LINGO1: variants seen among roughly 807,000 people sequenced by gnomAD.
The protein encoded by LINGO1 is leucine-rich repeat and immunoglobulin-like domain-containing nogo receptor-interacting protein 1.
LINGO1 carries 11 observed loss-of-function variants against 37.3 expected under a neutral mutation model. The ratio of observed to expected loss-of-function variants is 0.29; its 90% CI spans 0.19 to 0.49. LINGO1 has a LOEUF of 0.49. Ranked by LOEUF, LINGO1 falls within the 20% of genes least tolerant of loss-of-function variation. The pLI, the probability that LINGO1 is intolerant of heterozygous loss-of-function variation, is 0.99. For missense variants in LINGO1, 585 were observed against 878.2 expected, an observed-to-expected ratio of 0.67 and a Z score of 4.22; for synonymous variants, 387 against 403.0, an observed-to-expected ratio of 0.96 and a Z score of 0.48.
chr15:77,759,649 T>C (rs1023103113), intron 1 of LINGO1, among the ~76,000 whole-genome samples: 2 of 152,184 alleles, frequency 1.3e-5, no homozygotes, highest in African/African-American at 2.4e-5. Context: ...GAAAGAAGTA[T>C]TTGTCTCATG....
intron 1 of LINGO1, among the ~76,000 whole-genome samples, chr15:77,784,171 A>G (rs1390051252): frequency 2.0e-5 from 3 of 152,232 alleles, no homozygotes; most frequent in African/African-American, 7.2e-5. Context: ...GGTCTCCGGG[A>G]GGTCCCAAAA....
intron 1 of LINGO1, among the ~76,000 whole-genome samples, chr15:77,804,197 C>T (rs1336229572): frequency 6.6e-6 from 1 of 152,202 alleles, no homozygotes; most frequent in African/African-American, 2.4e-5. Context: ...CCATCTCTAA[C>T]ACAGGGCCAT....
At chr15:77,734,959 T>A (rs188054492) in intron 2 of LINGO1, 1 of 152,352 alleles carries the variant, frequency 6.6e-6, no homozygotes, top group East Asian at 1.9e-4. Flanking sequence ...CCCTGCTGCA[T>A]CCACCAACAC....
chr15:77,680,340 G>A (rs567090681), intron 2 of LINGO1, among the ~76,000 whole-genome samples: 38 of 152,298 alleles, frequency 2.5e-4, no homozygotes, highest in African/African-American at 7.9e-4. Flanking sequence ...AGAGAGTACC[G>A]GTTAGTGCAG....
intron 3 of LINGO1, among the ~76,000 whole-genome samples, chr15:77,660,555 A>G (rs1247808223): frequency 1.3e-5 from 2 of 152,354 alleles, no homozygotes; most frequent in East Asian, 3.9e-4. Context: ...AAGTGGGAGC[A>G]GGGATGGAGC....
intron 2 of LINGO1, among the ~76,000 whole-genome samples, chr15:77,680,993 C>T (rs1488564899): frequency 3.3e-5 from 5 of 152,128 alleles, no homozygotes; most frequent in Non-Finnish European, 7.3e-5. Context: ...AGGGAAAGCC[C>T]TTCCTGTTGA....
intron 1 of LINGO1, among the ~76,000 whole-genome samples, chr15:77,807,582 C>A (rs2076970517): frequency 6.6e-6 from 1 of 152,114 alleles, no homozygotes; most frequent in African/African-American, 2.4e-5. Context: ...TTCCTGCCTC[C>A]CTGCACACGT....
At chr15:77,679,444 T>C (rs1596096509) in intron 2 of LINGO1, among the ~76,000 whole-genome samples, 1 of 152,126 alleles carries the variant, frequency 6.6e-6, no homozygotes, top group African/African-American at 2.4e-5. Flanking sequence ...GTGATGACGG[T>C]TGTGGAGGTG....
At chr15:77,772,346 C>G (rs2076594030) in intron 1 of LINGO1, among the ~76,000 whole-genome samples, 1 of 152,226 alleles carries the variant, frequency 6.6e-6, no homozygotes, top group Non-Finnish European at 1.5e-5. Context: ...CAATTTGGGG[C>G]AAGTCTTTTA....
chr15:77,739,225 T>C (rs2076235764), intron 1 of LINGO1, among the ~76,000 whole-genome samples: 1 of 152,180 alleles, frequency 6.6e-6, no homozygotes. Flanking sequence ...CGGAAATTGG[T>C]CCAGGGAGTT....
At chr15:77,816,657 G>A (rs2141488179) in intron 1 of LINGO1, among the ~76,000 whole-genome samples, 1 of 152,332 alleles carries the variant, frequency 6.6e-6, no homozygotes, top group Middle Eastern at 3.4e-3. Flanking sequence ...GGAGCAGCCA[G>A]TAGGGGTGGG....
intron 2 of LINGO1, among the ~76,000 whole-genome samples, chr15:77,722,234 C>T (rs558454907): frequency 5.3e-4 from 81 of 152,206 alleles, no homozygotes; most frequent in Admixed American, 1.1e-3. Context: ...ACAGCTCACT[C>T]GCAGCCCGTC....
chr15:77,743,616 A>G (rs2076286027), intron 1 of LINGO1, among the ~76,000 whole-genome samples: 1 of 152,220 alleles, frequency 6.6e-6, no homozygotes, highest in Non-Finnish European at 1.5e-5. Flanking sequence ...GAACCTTTAG[A>G]CAGTCAAATT....
intron 3 of LINGO1, among the ~76,000 whole-genome samples, chr15:77,660,346 TCGGCG>T (rs2074962910): frequency 6.6e-6 from 1 of 152,114 alleles, no homozygotes; most frequent in African/African-American, 2.4e-5. Context: ...GTGATGATAC[TCGGCG>T]CCAAGGGACT....
upstream of LINGO1, chr15:77,634,288 C>G (rs1210606417): frequency 4.4e-6 from 2 of 456,138 alleles, no homozygotes; most frequent in Non-Finnish European, 8.8e-6. Context: ...TCTGTTCCAG[C>G]TGCACCATTT....
At chr15:77,713,096 G>A (rs1259366047) in intron 2 of LINGO1, among the ~76,000 whole-genome samples, 3 of 152,076 alleles carry the variant, frequency 2.0e-5, no homozygotes, top group African/African-American at 7.2e-5. Flanking sequence ...AGACTGGAGT[G>A]CAGTGGTACA....
chr15:77,653,201 G>C (rs1045310867), intron 3 of LINGO1, among the ~76,000 whole-genome samples: 1 of 152,206 alleles, frequency 6.6e-6, no homozygotes, highest in East Asian at 1.9e-4. Flanking sequence ...GGATTCCAGG[G>C]GTCTTGAGGC....
chr15:77,730,089 G>C (rs1055994315), intron 2 of LINGO1, among the ~76,000 whole-genome samples: 6 of 151,960 alleles, frequency 3.9e-5, no homozygotes, highest in African/African-American at 1.5e-4. Context: ...GGGGAGTAGG[G>C]GGAAGGCTGA....
chr15:77,753,683 G>A (rs1213892875), intron 1 of LINGO1, among the ~76,000 whole-genome samples: 2 of 152,226 alleles, frequency 1.3e-5, no homozygotes, highest in African/African-American at 2.4e-5. Context: ...GGAACCAACA[G>A]CCAAAGACAC....
Sources: allele counts gnomAD v4.1 joint callset (sites outside exome capture counted in the v4.1 genomes callset), GRCh38; gene constraint gnomAD v4.1.1; transcripts MANE v1.5; gene names NCBI Gene and HGNC (gene_info 2026-07-23, HGNC 2026-07-21).